TRMT11: variants seen among roughly 807,000 people sequenced by gnomAD.
The protein encoded by TRMT11 is tRNA (guanine(10)-N(2))-methyltransferase TRMT11.
Under a neutral mutation model 62.8 loss-of-function variants are expected in TRMT11, and 53 were observed. The observed-to-expected ratio is 0.84, with a 90% confidence interval of 0.68 to 1.06. TRMT11 has a LOEUF of 1.06. TRMT11 is among the 50% of genes least tolerant of loss of function. TRMT11 has a pLI of 0.00. For synonymous variants in TRMT11, 188 were observed against 190.3 expected, an observed-to-expected ratio of 0.99 and a Z score of 0.10; for missense variants, 556 against 553.4, an observed-to-expected ratio of 1.00 and a Z score of -0.05.
At chr6:126,209,072 G>A in the TRMT11 span, among the ~76,000 whole-genome samples, 347 of 152,284 alleles carry the variant, frequency 2.3e-3, no homozygotes, top group African/African-American at 8.0e-3. Context: ...TCTTGAATGA[G>A]TTATATATAG....
At chr6:126,054,535 C>T (rs1014133105) in intron 17 of TRMT11, among the ~76,000 whole-genome samples, 1 of 152,176 alleles carries the variant, frequency 6.6e-6, no homozygotes, top group Non-Finnish European at 1.5e-5. Context: ...TTATTGATTT[C>T]GCTCTTCACA....
chr6:126,102,422 T>TGCGATGCTG (rs1777412014), intron 17 of TRMT11, among the ~76,000 whole-genome samples: 1 of 151,944 alleles, frequency 6.6e-6, no homozygotes, highest in African/African-American at 2.4e-5. Context: ...CCCAGCCTCC[T>TGCGATGCTG]GCGATGCTGG....
intron 17 of TRMT11, among the ~76,000 whole-genome samples, chr6:126,054,084 A>C (rs925403935): frequency 6.6e-6 from 1 of 152,216 alleles, no homozygotes; most frequent in African/African-American, 2.4e-5. Context: ...CAGAATCTGC[A>C]CTTAATTCTG....
intron 21 of TRMT11, among the ~76,000 whole-genome samples, chr6:126,126,025 C>A (rs1019499612): frequency 1.2e-4 from 19 of 152,184 alleles, no homozygotes; most frequent in Admixed American, 1.2e-3. Flanking sequence ...ATGGGCTGGC[C>A]TCCTTAGATG....
At chr6:126,141,163 A>G (rs1255119495) in intron 21 of TRMT11, among the ~76,000 whole-genome samples, 1 of 152,096 alleles carries the variant, frequency 6.6e-6, no homozygotes, top group African/African-American at 2.4e-5. Flanking sequence ...GTAAGTAATT[A>G]TAATTGAATC....
chr6:126,101,859 A>C (rs1246678491), intron 17 of TRMT11, among the ~76,000 whole-genome samples: 1 of 152,182 alleles, frequency 6.6e-6, no homozygotes, highest in African/African-American at 2.4e-5. Flanking sequence ...CTGTGTGAAA[A>C]CACACTGCAT....
intron 21 of TRMT11, among the ~76,000 whole-genome samples, chr6:126,162,961 G>A (rs1778212888): frequency 6.6e-6 from 1 of 152,166 alleles, no homozygotes; most frequent in African/African-American, 2.4e-5. Flanking sequence ...ATTTTGGGCT[G>A]AGATGATGGG....
At chr6:126,098,540 C>A (rs986748446) in intron 17 of TRMT11, among the ~76,000 whole-genome samples, 4 of 152,206 alleles carry the variant, frequency 2.6e-5, no homozygotes, top group Admixed American at 6.5e-5. Context: ...ACCACAGTGA[C>A]TGTACAACCT....
In TRMT11 at chr6:126,094,129, C is replaced by T. The variant is rs142999010; in HGVS notation, c.*1438-18737C>T. ...CACACACACACACCCCAAACTTAGA[C>T]CCATCTTATTGCTGTTGGCTCTGAC... On this transcript the variant is annotated intron_variant and NMD_transcript_variant, in intron 17 of 22. Coordinates refer to the TRMT11 transcript ENST00000648977. Among the ~76,000 whole-genome samples, 587 of 152,008 alleles carry T rather than the reference C, an allele frequency of 3.9e-3. 2 individuals carry two copies. The highest frequency in any genetic ancestry group is 5.3e-3 in the Non-Finnish European group (357 of 67,958).
the TRMT11 span, among the ~76,000 whole-genome samples, chr6:126,269,673 T>A: frequency 6.6e-6 from 1 of 152,214 alleles, no homozygotes; most frequent in Non-Finnish European, 1.5e-5. Flanking sequence ...GGAAATTGGT[T>A]GAAAAACTTT....
At chr6:126,093,631 A>ATATGTATATTTTTT (rs1554236842) in intron 17 of TRMT11, among the ~76,000 whole-genome samples, 1 of 98,016 alleles carries the variant, frequency 1.0e-5, no homozygotes, top group African/African-American at 4.4e-5. Flanking sequence ...ATATATATAT[A>ATATGTATATTTTTT]TTTTCCCCCA....
At chr6:126,175,763 C>T (rs1778378349), upstream of TRMT11, among the ~76,000 whole-genome samples, 1 of 152,184 alleles carries the variant, frequency 6.6e-6, no homozygotes, top group Admixed American at 6.5e-5. Context: ...ACTCTGCAGA[C>T]ATCCTTGTTG....
At chr6:126,127,246 A>T (rs1422530043) in intron 21 of TRMT11, among the ~76,000 whole-genome samples, 5 of 152,078 alleles carry the variant, frequency 3.3e-5, no homozygotes, top group Admixed American at 3.3e-4. Context: ...TGTGAGGAGT[A>T]GTTGAGAAGA....
At chr6:126,029,004 CA>C (rs1242462486) in intron 12 of TRMT11, among the ~76,000 whole-genome samples, 1 of 151,998 alleles carries the variant, frequency 6.6e-6, no homozygotes, top group Non-Finnish European at 1.5e-5. Flanking sequence ...TCAGGGATTC[CA>C]AGGTATGAAT....
intron 1 of TRMT11, among the ~76,000 whole-genome samples, chr6:125,990,729 G>C (rs1790469550): frequency 2.0e-5 from 3 of 152,176 alleles, no homozygotes; most frequent in African/African-American, 7.2e-5. Context: ...AGGGATTGAG[G>C]CAGTTTCCAT....
the TRMT11 span, among the ~76,000 whole-genome samples, chr6:126,270,430 T>C: frequency 5.3e-5 from 8 of 152,132 alleles, no homozygotes; most frequent in Non-Finnish European, 1.5e-5. Context: ...AATATCTAAA[T>C]GTAATACATA....
At chr6:126,146,622 A>G (rs935966639) in intron 21 of TRMT11, among the ~76,000 whole-genome samples, 1 of 151,938 alleles carries the variant, frequency 6.6e-6, no homozygotes, top group Non-Finnish European at 1.5e-5. Context: ...GGTTCAAGCA[A>G]TTGTCCTGCC....
At chr6:126,237,201 C>G in the TRMT11 span, among the ~76,000 whole-genome samples, 1 of 151,970 alleles carries the variant, frequency 6.6e-6, no homozygotes, top group Non-Finnish European at 1.5e-5. Context: ...GTTTCAGTGC[C>G]CTATAAAACT....
chr6:126,194,923 C>A (rs1034891187), intron 1 of TRMT11, among the ~76,000 whole-genome samples: 1 of 151,800 alleles, frequency 6.6e-6, no homozygotes, highest in Non-Finnish European at 1.5e-5. Flanking sequence ...GAGATCAGCC[C>A]GAGCAACATA....
Sources: allele counts gnomAD v4.1 joint callset (sites outside exome capture counted in the v4.1 genomes callset), GRCh38; gene constraint gnomAD v4.1.1; transcripts MANE v1.5; gene names NCBI Gene and HGNC (gene_info 2026-07-23, HGNC 2026-07-21).